Variants in TVP23A observed in about 807,000 individuals in gnomAD.
TVP23A encodes the protein Golgi apparatus membrane protein TVP23 homolog A.
TVP23A carries 21 observed loss-of-function variants against 31.7 expected under a neutral mutation model. The observed-to-expected ratio is 0.66, with a 90% CI of 0.47 to 0.95. The LOEUF (loss-of-function observed/expected upper bound fraction) is 0.95. Ranked by LOEUF, TVP23A falls within the 40% of genes least tolerant of loss-of-function variation. The pLI, the probability that TVP23A is intolerant of heterozygous loss-of-function variation, is 0.00. For synonymous variants in TVP23A, 104 were observed against 96.0 expected (o/e 1.08, Z -0.49); for missense variants, 279 against 255.6 (o/e 1.09, Z -0.62).
chr16:10,796,103 T>G (rs1247287649), intron 2 of TVP23A, among the ~76,000 whole-genome samples: 1 of 152,098 alleles, frequency 6.6e-6, no homozygotes, highest in East Asian at 1.9e-4. Flanking sequence ...ATCTCAGCAC[T>G]TAGGGAGGCT....
intron 2 of TVP23A, among the ~76,000 whole-genome samples, chr16:10,786,230 G>A (rs2032743843): frequency 6.6e-6 from 1 of 152,132 alleles, no homozygotes; most frequent in Admixed American, 6.6e-5. Flanking sequence ...TCATCCACAG[G>A]GGAAGGTGAG....
At chr16:10,762,768 G>A (rs1196087420), downstream of TVP23A, among the ~76,000 whole-genome samples, 2 of 152,138 alleles carry the variant, frequency 1.3e-5, no homozygotes, top group South Asian at 2.1e-4. Flanking sequence ...GAGAGGGGCC[G>A]GGCGGGTGAA....
rs751697835 is a variant in TVP23A, at chr16:10,771,693, G to C, written c.559C>G (p.Leu187Val). 4 of 1,613,840 alleles carry C rather than the reference G, an allele frequency of 2.5e-6. No homozygotes were observed. In the Admixed American group the frequency reaches 6.7e-5, roughly 27 times the overall value. Residue 187 changes from leucine (L) to valine (V), a missense_variant, in exon 6 of 8, where the codon CTG (leucine) becomes GTG (valine). Physicochemically the swap from Leu to Val is conservative, Grantham distance 32 (BLOSUM62 1). Transcript: ENST00000299866. ...SDIGKVTASF[L>V]SQTVFQTACP... is the part of the protein sequence containing the mutation. ...ACCGTCTGGAACACTGTCTGGGACAGGAAACTGGCTGTGACCTTGCCAATG... is the reference window on the plus strand; with the variant it reads ...ACCGTCTGGAACACTGTCTGGGACACGAAACTGGCTGTGACCTTGCCAATG...
At chr16:10,798,107 C>T (rs11863829) in intron 2 of TVP23A, among the ~76,000 whole-genome samples, 17,118 of 151,428 alleles carry the variant, frequency 0.11, 1,433 homozygotes, top group African/African-American at 0.23. Context: ...AGGCACCTGC[C>T]ACCACGCCCA....
intron 2 of TVP23A, among the ~76,000 whole-genome samples, chr16:10,783,861 C>T (rs2032571526): frequency 6.6e-6 from 1 of 152,156 alleles, no homozygotes; most frequent in African/African-American, 2.4e-5. Context: ...ACAACTTCCA[C>T]TATACAACGT....
intron 2 of TVP23A, among the ~76,000 whole-genome samples, chr16:10,816,918 G>A (rs72785636): frequency 0.011 from 1,296 of 119,004 alleles, 11 homozygotes; most frequent in South Asian, 0.024. Context: ...AGAGGCACAG[G>A]GAAACTTCAC....
At chr16:10,790,186 T>C (rs1433246511) in intron 2 of TVP23A, among the ~76,000 whole-genome samples, 3 of 151,918 alleles carry the variant, frequency 2.0e-5, no homozygotes, top group Non-Finnish European at 4.4e-5. Context: ...GCTATGTTAA[T>C]AGAGATTCTT....
chr16:10,781,845 A>G (rs1176164317), intron 2 of TVP23A, among the ~76,000 whole-genome samples: 1 of 142,822 alleles, frequency 7.0e-6, no homozygotes, highest in East Asian at 2.1e-4. Flanking sequence ...CACAACTAAC[A>G]CAATCTTTTT....
downstream of TVP23A, chr16:10,758,047 G>C: frequency 1.2e-6 from 2 of 1,609,994 alleles, no homozygotes; most frequent in Non-Finnish European, 1.7e-6. Flanking sequence ...CTGCCAGCTG[G>C]AGCTGGGTCC....
rs750798608 is a variant in TVP23A at position 10,788,561 on chromosome 16, A to AAG, written c.90-13467_90-13466dup. Among the ~76,000 whole-genome samples, 244 of 152,258 alleles carry AAG rather than the reference A, an allele frequency of 1.6e-3. 2 individuals are homozygous for AAG. Among genetic ancestry groups the AAG allele is most frequent in the South Asian group, 2.3e-3 (11 of 4,820 alleles). Reference sequence around the variant, plus strand: ...AGTCCGGTGGTGACAAAGGAATGAGAAGAGACAGGTTAAGAGTTCATAAAG... The same window carrying AAG: ...AGTCCGGTGGTGACAAAGGAATGAGAAGAGAGACAGGTTAAGAGTTCATAAAG... On this transcript the variant is annotated intron_variant, in intron 2 of 7. Transcript: ENST00000299866.
intron 2 of TVP23A, among the ~76,000 whole-genome samples, chr16:10,793,977 T>G (rs2033250110): frequency 7.2e-6 from 1 of 138,314 alleles, no homozygotes; most frequent in South Asian, 2.3e-4. Context: ...AAGATCAAGG[T>G]GCCAGCACAC....
intron 2 of TVP23A, among the ~76,000 whole-genome samples, chr16:10,813,365 C>A (rs567548957): frequency 6.6e-6 from 1 of 152,262 alleles, no homozygotes; most frequent in African/African-American, 2.4e-5. Context: ...CACCTCCTTT[C>A]GATGTCAGCC....
intron 2 of TVP23A, among the ~76,000 whole-genome samples, chr16:10,783,805 G>C (rs1170214532): frequency 6.6e-6 from 1 of 152,214 alleles, no homozygotes; most frequent in East Asian, 1.9e-4. Context: ...AACCTTAAAT[G>C]TGTATTGCTT....
downstream of TVP23A, among the ~76,000 whole-genome samples, chr16:10,760,028 AAAATAGGG>A (rs1900834372): frequency 6.6e-6 from 1 of 152,230 alleles, no homozygotes; most frequent in South Asian, 2.1e-4. Flanking sequence ...TTAACTGAGG[AAAATAGGG>A]AGCTACTGAG....
intron 2 of TVP23A, among the ~76,000 whole-genome samples, chr16:10,813,096 A>G (rs2034276864): frequency 1.3e-5 from 2 of 152,184 alleles, no homozygotes; most frequent in Non-Finnish European, 2.9e-5. Flanking sequence ...GGACAGAAAG[A>G]GCAGAGACCA....
intron 5 of TVP23A, among the ~76,000 whole-genome samples, chr16:10,772,743 C>A (rs184202631): frequency 6.6e-6 from 1 of 152,124 alleles, no homozygotes; most frequent in Non-Finnish European, 1.5e-5. Context: ...GGTGCCAGGG[C>A]TTGGAGGAAC....
chr16:10,817,984 G>A (rs1055149912), intron 2 of TVP23A, 119 bp downstream of exon 2: 18 of 856,978 alleles, frequency 2.1e-5, no homozygotes, highest in Non-Finnish European at 3.4e-5. Flanking sequence ...CCACAGATAT[G>A]TCCCCAGCCC....
intron 7 of TVP23A, among the ~76,000 whole-genome samples, chr16:10,769,913 C>A (rs1467886013): frequency 6.6e-6 from 1 of 152,204 alleles, no homozygotes. Context: ...GTTTTCCCTC[C>A]ACTCTGGGGC....
intron 2 of TVP23A, among the ~76,000 whole-genome samples, chr16:10,799,144 CT>C (rs1486562170): frequency 6.6e-6 from 1 of 152,242 alleles, no homozygotes; most frequent in African/African-American, 2.4e-5. Context: ...CTTCTGATGA[CT>C]GCAGCTCTGA....
Sources: gnomAD v4.1 joint callset for allele counts (sites outside exome capture counted in the v4.1 genomes callset) on GRCh38, gnomAD v4.1.1 for gene constraint, MANE v1.5 for transcripts, NCBI Gene and HGNC (gene_info 2026-07-23, HGNC 2026-07-21) for gene names.